The following PRR33 variants were observed in gnomAD, a reference collection of about 807,000 sequenced individuals.
PRR33 encodes the protein proline-rich protein 33.
In PRR33, 1 loss-of-function variant was observed where a neutral mutation model predicts 0.5. The observed-to-expected ratio is 2.18, with a 90% CI of 0.77 to 10.34. The LOEUF (loss-of-function observed/expected upper bound fraction) is 10.34, where lower values mean the gene tolerates loss of function less well. Among genes scored for constraint, PRR33 ranks in the 30% most tolerant of loss-of-function variants. PRR33 has a pLI of 0.13. For missense variants in PRR33, 552 were observed against 251.8 expected, an observed-to-expected ratio of 2.19 and a Z score of -8.07; for synonymous variants, 226 against 110.0, an observed-to-expected ratio of 2.06 and a Z score of -6.60.
chr11:1,913,885 C>T, the PRR33 span, among the ~76,000 whole-genome samples: 4 of 152,254 alleles, frequency 2.6e-5, no homozygotes, highest in Admixed American at 6.5e-5. Context: ...CATGCTGCCA[C>T]GGGCTCCCAC....
At chr11:1,902,300 T>C in the PRR33 span, among the ~76,000 whole-genome samples, 1 of 151,582 alleles carries the variant, frequency 6.6e-6, no homozygotes, top group African/African-American at 2.4e-5. Flanking sequence ...CTAATGTGGC[T>C]ACTGCTTCTT....
chr11:1,912,934 T>G, the PRR33 span, among the ~76,000 whole-genome samples: 2 of 152,154 alleles, frequency 1.3e-5, no homozygotes, highest in African/African-American at 4.8e-5. Flanking sequence ...TTAATTTTGT[T>G]GATCTTCATT....
the PRR33 span, among the ~76,000 whole-genome samples, chr11:1,902,187 G>A: frequency 6.2e-4 from 93 of 150,988 alleles, no homozygotes; most frequent in East Asian, 0.013. Flanking sequence ...AGCAGAGATC[G>A]CGCCACTGCA....
the PRR33 span, among the ~76,000 whole-genome samples, chr11:1,899,724 G>C: frequency 2.0e-5 from 3 of 152,170 alleles, no homozygotes; most frequent in Non-Finnish European, 2.9e-5. Context: ...CACTTGAGCA[G>C]TGAAACAAGT....
chr11:1,916,388 A>C, the PRR33 span, among the ~76,000 whole-genome samples: 2 of 152,130 alleles, frequency 1.3e-5, no homozygotes, highest in African/African-American at 4.8e-5. Context: ...AAACCTCGAC[A>C]GAGCCACCAC....
upstream of PRR33, among the ~76,000 whole-genome samples, chr11:1,895,490 G>T (rs1172824670): frequency 3.9e-5 from 6 of 152,142 alleles, no homozygotes; most frequent in Non-Finnish European, 1.5e-5. Context: ...TTTTTCTCCT[G>T]GTTGGTGGCC....
At chr11:1,898,973 C>T in the PRR33 span, among the ~76,000 whole-genome samples, 2 of 152,174 alleles carry the variant, frequency 1.3e-5, no homozygotes, top group East Asian at 1.9e-4. Flanking sequence ...TGCATTCCAG[C>T]TTGGGCAACA....
the PRR33 span, among the ~76,000 whole-genome samples, chr11:1,906,126 C>G: frequency 6.6e-6 from 1 of 151,940 alleles, no homozygotes; most frequent in Non-Finnish European, 1.5e-5. Context: ...ATGCATGGCC[C>G]CTCTGCTTCT....
At chr11:1,903,327 G>C in the PRR33 span, 6 of 148,838 alleles carry the variant, frequency 4.0e-5, no homozygotes, top group East Asian at 8.1e-4. Context: ...AGCGGGGGGT[G>C]GGGGGCGGGT....
the PRR33 span, among the ~76,000 whole-genome samples, chr11:1,912,421 G>T: frequency 1.2e-4 from 18 of 152,054 alleles, no homozygotes; most frequent in African/African-American, 4.3e-4. Context: ...GGGCTGTTTT[G>T]CTCAGTTTTT....
At chr11:1,890,721 A>G (rs894400951) in exon 1 of PRR33, 1 of 604,002 alleles carries the variant, frequency 1.7e-6, no homozygotes, top group African/African-American at 1.9e-5. Flanking sequence ...CTTCCTGAGC[A>G]CCCAGAACCT....
Position 1,888,885 on chromosome 11 carries a change from G to A in PRR33, c.*260C>T, listed in dbSNP as rs74047636. 2.2e-3 allele frequency: 901 copies of A among 408,672 alleles called. 14 individuals are homozygous for A. The highest frequency in any genetic ancestry group is 0.017 in the African/African-American group (805 of 48,576). The allele number at this position is 408,672 out of a possible 1,614,324, so 25.3% of individuals were successfully genotyped here. ...CAAGGCCCCCATCCTACATCCCGAC[G>A]CAGACCCCTTCTCTGTTCCCCTCAC... is the stretch of plus-strand genomic sequence containing the variant. On this transcript the variant is annotated 3_prime_UTR_variant, in exon 1 of 1. Coordinates refer to ENST00000640310, the Ensembl canonical transcript of PRR33.
At chr11:1,904,347 G>A in the PRR33 span, among the ~76,000 whole-genome samples, 6 of 151,940 alleles carry the variant, frequency 3.9e-5, no homozygotes, top group African/African-American at 4.8e-5. Context: ...TGGGCAACAC[G>A]GTGAAACCCC....
upstream of PRR33, among the ~76,000 whole-genome samples, chr11:1,893,475 G>A (rs920641524): frequency 2.0e-5 from 3 of 149,954 alleles, no homozygotes; most frequent in Non-Finnish European, 4.4e-5. Flanking sequence ...ATGGGTTAGT[G>A]AATGGATAGG....
At chr11:1,912,440 A>T in the PRR33 span, among the ~76,000 whole-genome samples, 1 of 152,132 alleles carries the variant, frequency 6.6e-6, no homozygotes, top group Non-Finnish European at 1.5e-5. Context: ...TTAAATTGTC[A>T]TAAAGTTGTT....
At chr11:1,897,470 T>G in the PRR33 span, among the ~76,000 whole-genome samples, 4 of 152,234 alleles carry the variant, frequency 2.6e-5, no homozygotes, top group African/African-American at 7.2e-5. The surrounding 1 kb of genome is among the most constrained non-coding windows in gnomAD (Gnocchi z 4.0). Context: ...CTGGTCTGCC[T>G]TAGGACCTAT....
chr11:1,908,661 C>T, the PRR33 span, among the ~76,000 whole-genome samples: 88 of 152,242 alleles, frequency 5.8e-4, no homozygotes, highest in Non-Finnish European at 1.1e-3. Flanking sequence ...CATCTGGCCG[C>T]GTTCCTGAAT....
the PRR33 span, among the ~76,000 whole-genome samples, chr11:1,904,268 C>T: frequency 6.6e-6 from 1 of 152,212 alleles, no homozygotes; most frequent in Non-Finnish European, 1.5e-5. Context: ...GTGGCTCACG[C>T]CTGTAATCCC....
the PRR33 span, among the ~76,000 whole-genome samples, chr11:1,909,952 T>C: frequency 0.05 from 7,615 of 152,276 alleles, 489 homozygotes; most frequent in African/African-American, 0.14. Flanking sequence ...AATATAAAAC[T>C]ATTGTTTAAA....
Sources: gnomAD v4.1 joint callset for allele counts (sites outside exome capture counted in the v4.1 genomes callset) on GRCh38, gnomAD v4.1.1 for gene constraint, Gnocchi (gnomAD v3.1) non-coding constraint, MANE v1.5 for transcripts, NCBI Gene and HGNC (gene_info 2026-07-23, HGNC 2026-07-21) for gene names.